The following ANKFN1 variants were observed in gnomAD, a reference collection of about 807,000 sequenced individuals.
ANKFN1 encodes the protein ankyrin repeat and fibronectin type-III domain-containing protein 1.
ANKFN1 carries 74 observed loss-of-function variants against 108.7 expected under a neutral mutation model. The observed-to-expected ratio is 0.68, with a 90% CI of 0.56 to 0.83. The LOEUF (loss-of-function observed/expected upper bound fraction) is 0.83. Ranked by LOEUF, ANKFN1 falls within the 40% of genes least tolerant of loss-of-function variation. The pLI, the probability that ANKFN1 is intolerant of heterozygous loss-of-function variation, is 0.00. For synonymous variants in ANKFN1, 547 were observed against 516.2 expected, an observed-to-expected ratio of 1.06 and a Z score of -0.81; for missense variants, 1,505 against 1,382.3, an observed-to-expected ratio of 1.09 and a Z score of -1.41.
chr17:56,245,302 C>G (rs1226663263), intron 3 of ANKFN1, among the ~76,000 whole-genome samples: 1 of 151,998 alleles, frequency 6.6e-6, no homozygotes, highest in Non-Finnish European at 1.5e-5. Context: ...GTCAGGTAGA[C>G]AGTGAATCTA....
intron 4 of ANKFN1, among the ~76,000 whole-genome samples, chr17:56,095,699 C>T (rs912275219): frequency 6.6e-6 from 1 of 152,120 alleles, no homozygotes; most frequent in African/African-American, 2.4e-5. Flanking sequence ...ATGCCCTGAG[C>T]GCAAAGCATG....
intron 1 of ANKFN1, among the ~76,000 whole-genome samples, chr17:56,200,885 G>A (rs1249994841): frequency 2.6e-5 from 4 of 152,188 alleles, no homozygotes; most frequent in African/African-American, 9.6e-5. Context: ...AATGAAAATA[G>A]TTAGTCATAG....
intron 4 of ANKFN1, among the ~76,000 whole-genome samples, chr17:56,090,363 A>G (rs1047639374): frequency 6.6e-6 from 1 of 151,298 alleles, no homozygotes; most frequent in Non-Finnish European, 1.5e-5. Flanking sequence ...AAGGACTTCT[A>G]ACCCACCATA....
chr17:56,327,753 G>T (rs2045561195), intron 4 of ANKFN1, among the ~76,000 whole-genome samples: 1 of 152,178 alleles, frequency 6.6e-6, no homozygotes, highest in Admixed American at 6.5e-5. Flanking sequence ...TCTCTGTTCT[G>T]CCATTCCTTC....
intron 2 of ANKFN1, among the ~76,000 whole-genome samples, chr17:56,225,862 G>A (rs1398366343): frequency 6.6e-6 from 1 of 152,208 alleles, no homozygotes; most frequent in Non-Finnish European, 1.5e-5. Flanking sequence ...AGTTTTCAAA[G>A]TAATCAATGA....
chr17:56,195,348 C>G (rs1913412311), intron 1 of ANKFN1: 1 of 152,206 alleles, frequency 6.6e-6, no homozygotes, highest in Non-Finnish European at 1.5e-5. Flanking sequence ...TTTAATTCAT[C>G]TCTGCCTATT....
At chr17:56,345,549 C>A (rs1013342579) in intron 4 of ANKFN1, among the ~76,000 whole-genome samples, 4 of 152,176 alleles carry the variant, frequency 2.6e-5, no homozygotes, top group African/African-American at 9.6e-5. Context: ...TCCTCTCCAG[C>A]ATCTGTTGTT....
intron 4 of ANKFN1, among the ~76,000 whole-genome samples, chr17:56,346,163 TG>T (rs2046093744): frequency 6.6e-6 from 1 of 152,124 alleles, no homozygotes; most frequent in African/African-American, 2.4e-5. Flanking sequence ...CCACATTGCT[TG>T]TTTTTGTCAG....
intron 4 of ANKFN1, among the ~76,000 whole-genome samples, chr17:56,052,405 A>G (rs1904793849): frequency 6.6e-6 from 1 of 152,180 alleles, no homozygotes; most frequent in Non-Finnish European, 1.5e-5. Flanking sequence ...GGATGGACAG[A>G]CCAGGAGAAA....
In ANKFN1 at chr17:56,456,867, C is replaced by T. The variant is rs1209030405; in HGVS notation, c.1214C>T (p.Thr405Ile). 1 of 1,613,826 alleles carries T rather than the reference C, an allele frequency of 6.2e-7. No individual in the cohort carries two copies. The highest frequency in any genetic ancestry group is 1.7e-5 in the Admixed American group (1 of 60,000). Residue 405 changes from threonine (T) to isoleucine (I), a missense_variant, in exon 12 of 21, where the codon ACA (threonine) becomes ATA (isoleucine). Physicochemically the swap from Thr to Ile is moderately conservative, Grantham distance 89. Transcript: ENST00000682825. The part of the protein sequence containing the change: ...LHQHYSCRES[T>I]KLQTTGRKQS... Reference sequence around the variant, plus strand: ...TTTTTAAAATACATTCCAGAAAGCACAAAATTACAAACCACAGGCCGCAAG... The same window carrying T: ...TTTTTAAAATACATTCCAGAAAGCATAAAATTACAAACCACAGGCCGCAAG...
At chr17:56,193,525 T>A (rs1246299979) in intron 1 of ANKFN1, among the ~76,000 whole-genome samples, 23 of 147,246 alleles carry the variant, frequency 1.6e-4, no homozygotes, top group East Asian at 9.9e-4. Flanking sequence ...TGTAGCGTTT[T>A]AAAAAAAAAT....
intron 4 of ANKFN1, among the ~76,000 whole-genome samples, chr17:56,349,996 G>A: frequency 6.6e-6 from 1 of 152,182 alleles, no homozygotes; most frequent in East Asian, 1.9e-4. Flanking sequence ...AATACCCACA[G>A]TTATTGTGGA....
At chr17:56,049,545 C>G (rs1171582883) in intron 4 of ANKFN1, among the ~76,000 whole-genome samples, 1 of 151,770 alleles carries the variant, frequency 6.6e-6, no homozygotes, top group Non-Finnish European at 1.5e-5. Flanking sequence ...TCCCCCTTCC[C>G]CCGACCCCAC....
intron 8 of ANKFN1, among the ~76,000 whole-genome samples, chr17:56,434,111 T>C (rs1158401716): frequency 6.6e-6 from 1 of 152,198 alleles, no homozygotes; most frequent in African/African-American, 2.4e-5. Flanking sequence ...TGGTTCAGAC[T>C]ATGGAGGAGA....
chr17:56,435,232 G>C (rs2048894593), intron 8 of ANKFN1, among the ~76,000 whole-genome samples: 1 of 152,148 alleles, frequency 6.6e-6, no homozygotes. Flanking sequence ...CAAGAATCAA[G>C]TATTCACCAA....
intron 7 of ANKFN1, 134 bp downstream of exon 7, chr17:56,372,974 G>C (rs958098165): frequency 3.6e-5 from 32 of 901,160 alleles, no homozygotes; most frequent in Non-Finnish European, 4.9e-5. Flanking sequence ...TATGGAGCAA[G>C]GGCTCTGAGA....
chr17:56,229,505 C>T (rs768778334), intron 3 of ANKFN1, among the ~76,000 whole-genome samples: 14 of 151,218 alleles, frequency 9.3e-5, no homozygotes, highest in South Asian at 6.3e-4. Flanking sequence ...TGTTAAATAC[C>T]GAAAGATACT....
intron 6 of ANKFN1, among the ~76,000 whole-genome samples, chr17:56,356,109 G>A (rs1235745350): frequency 6.6e-6 from 1 of 152,044 alleles, no homozygotes; most frequent in Non-Finnish European, 1.5e-5. Flanking sequence ...TAGTACTTGG[G>A]GAAGAAAGTT....
At chr17:56,456,058 CT>C (rs1204649098) in intron 11 of ANKFN1, among the ~76,000 whole-genome samples, 1 of 152,096 alleles carries the variant, frequency 6.6e-6, no homozygotes, top group Non-Finnish European at 1.5e-5. Flanking sequence ...GGGTTTTGCT[CT>C]TTTTTTTCTA....
Sources: gnomAD v4.1 joint callset for allele counts (sites outside exome capture counted in the v4.1 genomes callset) on GRCh38, gnomAD v4.1.1 for gene constraint, MANE v1.5 for transcripts, NCBI Gene and HGNC (gene_info 2026-07-23, HGNC 2026-07-21) for gene names.